The following VAV1 variants were observed in gnomAD, a reference collection of about 807,000 sequenced individuals.
VAV1 encodes vav guanine nucleotide exchange factor 1, also known as proto-oncogene vav.
In VAV1, 33 loss-of-function variants were observed where a neutral mutation model predicts 128.1. The ratio of observed to expected loss-of-function variants is 0.26; its 90% CI spans 0.20 to 0.34. The LOEUF is 0.34. VAV1 is among the 10% of genes least tolerant of loss of function. The pLI is 1.00. For missense variants in VAV1, 715 were observed against 1,093.7 expected, an observed-to-expected ratio of 0.65 and a Z score of 4.88; for synonymous variants, 394 against 409.8, an observed-to-expected ratio of 0.96 and a Z score of 0.47.
intron 22 of VAV1, among the ~76,000 whole-genome samples, chr19:6,844,785 G>A (rs1972476257): frequency 6.6e-6 from 1 of 152,034 alleles, no homozygotes; most frequent in East Asian, 1.9e-4. Context: ...GCTCTCTCGT[G>A]GGTGCAAGAT....
At chr19:6,845,149 G>A (rs561728102) in intron 22 of VAV1, among the ~76,000 whole-genome samples, 1 of 152,274 alleles carries the variant, frequency 6.6e-6, no homozygotes, top group Admixed American at 6.5e-5. Flanking sequence ...GGGAGGCCGA[G>A]GCGGGTCGAT....
intron 21 of VAV1, among the ~76,000 whole-genome samples, chr19:6,837,908 A>T (rs1480152038): frequency 1.1e-4 from 16 of 152,120 alleles, no homozygotes; most frequent in Admixed American, 1.0e-3. Context: ...CTATTATTTA[A>T]TTCATAGTCT....
At position 6,822,110 on chromosome 19, in the gene VAV1, T is replaced by C; in HGVS notation, c.450-111T>C. 8.6e-7 allele frequency: 1 copy of C among 1,166,882 alleles called. No individual in the cohort carries two copies. Among genetic ancestry groups the C allele is most frequent in the Non-Finnish European group, 1.2e-6 (1 of 814,002 alleles). 72.3% of individuals were successfully genotyped at this position (1,166,882 alleles called of 1,614,324 possible). A position where few individuals can be genotyped will look rare whatever the true frequency, so the allele number is the denominator to read the frequency against. ...AGGGACATGGCCTGCCCTTGGAGTC[T>C]GAGGTCCCACCCTTGGAGTCTTGGG... is the stretch of plus-strand genomic sequence containing the variant. On this transcript the variant is annotated intron_variant, in intron 4 of 26. Coordinates refer to ENST00000602142, the MANE Select transcript of VAV1 (RefSeq NM_005428.4). The surrounding 1 kb of genome is among the most constrained non-coding windows in gnomAD (Gnocchi z 5.9).
intron 24 of VAV1, among the ~76,000 whole-genome samples, chr19:6,852,398 A>G (rs1298404959): frequency 6.6e-6 from 1 of 152,184 alleles, no homozygotes; most frequent in Non-Finnish European, 1.5e-5. Context: ...TGGTAAATTT[A>G]TCACGAAGTA....
intron 24 of VAV1, 116 bp downstream of exon 24, chr19:6,850,873 T>G: frequency 1.1e-6 from 1 of 906,994 alleles, no homozygotes; most frequent in East Asian, 2.6e-5. Context: ...CCAGTGGCAC[T>G]ACAGTGCAAG....
At chr19:6,844,453 G>A (rs2144815877) in intron 22 of VAV1, among the ~76,000 whole-genome samples, 1 of 152,152 alleles carries the variant, frequency 6.6e-6, no homozygotes, top group East Asian at 1.9e-4. Context: ...CTGATCTCAG[G>A]TGATCCACTC....
At chr19:6,835,243 AC>A (rs1972193147) in intron 19 of VAV1, among the ~76,000 whole-genome samples, 2 of 150,522 alleles carry the variant, frequency 1.3e-5, no homozygotes, top group Admixed American at 6.7e-5. Flanking sequence ...ACACACACAC[AC>A]ACACGTATTT....
At chr19:6,783,308 TG>T (rs1244409513) in intron 1 of VAV1, among the ~76,000 whole-genome samples, 2 of 152,130 alleles carry the variant, frequency 1.3e-5, no homozygotes, top group East Asian at 1.9e-4. Context: ...TGTCAGGGGT[TG>T]GGGGAGGAGG....
rs541879624 is a variant in VAV1 at position 6,827,604 on chromosome 19, G to T, written c.928-472G>T. Among the ~76,000 whole-genome samples the T allele has an allele frequency of 1.7e-3, 265 of 151,948 alleles. 1 individual carries two copies. Among genetic ancestry groups the T allele is most frequent in the Middle Eastern group, 3.4e-3 (1 of 294 alleles). ...CCATTGCTTTTTTGTTTGTTTGTTT[G>T]TCTTTGTTTTTTGAGATGGAGTCTC... On this transcript the variant is annotated intron_variant, in intron 9 of 26. Transcript: ENST00000602142.
intron 13 of VAV1, 124 bp from the exon 14 acceptor site, chr19:6,829,662 A>C: frequency 7.0e-7 from 1 of 1,437,192 alleles, no homozygotes; most frequent in Non-Finnish European, 9.5e-7. Flanking sequence ...ACAGGTGGGC[A>C]TGGCCAAGTT....
intron 22 of VAV1, among the ~76,000 whole-genome samples, chr19:6,845,186 G>T (rs1032715186): frequency 2.0e-5 from 3 of 152,080 alleles, no homozygotes; most frequent in African/African-American, 7.2e-5. Context: ...TTCAAGACCA[G>T]CCTGGGCAAC....
At chr19:6,809,219 A>G (rs1426842651) in intron 1 of VAV1, among the ~76,000 whole-genome samples, 2 of 152,026 alleles carry the variant, frequency 1.3e-5, no homozygotes, top group African/African-American at 4.8e-5. Context: ...AACTATAGGC[A>G]TGTGCCACCA....
intron 21 of VAV1, among the ~76,000 whole-genome samples, chr19:6,838,892 C>CTTA (rs1555705240): frequency 6.7e-6 from 1 of 149,966 alleles, no homozygotes; most frequent in African/African-American, 2.5e-5. Context: ...TTATGCTCAG[C>CTTA]TTTATTTATT....
chr19:6,857,004 G>A, intron 26 of VAV1, 50 bp from the exon 27 acceptor site: 1 of 1,568,258 alleles, frequency 6.4e-7, no homozygotes, highest in Non-Finnish European at 8.8e-7. Context: ...TGGAGGGGCA[G>A]TAGGAGGATG....
In VAV1 at chr19:6,850,715, A is replaced by G. The variant is rs1199753499; in HGVS notation, c.2175A>G (p.Gly725=). ...ACATTAAAATCATGACAGCAGAAGG[A>G]CTGTACCGGATCACAGAGAAAAAGG... is the stretch of plus-strand genomic sequence containing the variant. ...VKHIKIMTAE[G]LYRITEKKAF... The change falls in exon 24 of 27, where the codon GGA becomes GGG. Residue 725 remains glycine (G), a synonymous_variant. Coordinates refer to ENST00000602142, the MANE Select transcript of VAV1 (RefSeq NM_005428.4). The G allele has an allele frequency of 6.2e-7, 1 of 1,613,990 alleles. No homozygotes were observed. Among genetic ancestry groups the G allele is most frequent in the South Asian group, 1.1e-5 (1 of 91,054 alleles).
chr19:6,856,962 GC>G, intron 26 of VAV1, 91 bp from the exon 27 acceptor site: 1 of 1,125,018 alleles, frequency 8.9e-7, no homozygotes, highest in Non-Finnish European at 1.3e-6. Flanking sequence ...AGGTGCAAAG[GC>G]CCTGAGGTGG....
At chr19:6,805,748 GTA>G (rs140416947) in intron 1 of VAV1, among the ~76,000 whole-genome samples, 12,719 of 150,956 alleles carry the variant, frequency 0.084, 744 homozygotes, top group African/African-American at 0.16. Context: ...ACACATATGT[GTA>G]TATATATATG....
At chr19:6,805,824 C>A (rs914302232) in intron 1 of VAV1, among the ~76,000 whole-genome samples, 1 of 150,048 alleles carries the variant, frequency 6.7e-6, no homozygotes, top group Non-Finnish European at 1.5e-5. Context: ...AAAAAAGAAA[C>A]TAAAAGAGAG....
Position 6,826,410 on chromosome 19 carries a change from G to C in VAV1, c.828-202G>C, listed in dbSNP as rs1971919822. ...GGCAGAGACAATACCAGGTACTGTG[G>C]TGAAATTACTGTAGCATTAAATGAG... On this transcript the variant is annotated intron_variant, in intron 8 of 26. Coordinates refer to ENST00000602142, the MANE Select transcript of VAV1 (RefSeq NM_005428.4). This position sits in a 1 kb window ranked among gnomAD's most constrained non-coding sequence, Gnocchi z 4.1. Among the ~76,000 whole-genome samples the C allele has an allele frequency of 6.6e-6, 1 of 152,134 alleles. No individual in the cohort carries two copies. The highest frequency in any genetic ancestry group is 1.5e-5 in the Non-Finnish European group (1 of 68,004).
Sources: allele counts gnomAD v4.1 joint callset (sites outside exome capture counted in the v4.1 genomes callset), GRCh38; gene constraint gnomAD v4.1.1; non-coding constraint Gnocchi (gnomAD v3.1); transcripts MANE v1.5; gene names NCBI Gene and HGNC (gene_info 2026-07-23, HGNC 2026-07-21).